BBS4: variants seen among roughly 807,000 people sequenced by gnomAD.
BBS4 encodes BBSome complex member BBS4.
BBS4 carries 58 observed loss-of-function variants against 71.4 expected under a neutral mutation model. The observed-to-expected ratio is 0.81, with a 90% CI of 0.66 to 1.01. The LOEUF (loss-of-function observed/expected upper bound fraction) is 1.01. Ranked by LOEUF, BBS4 falls within the 50% of genes least tolerant of loss-of-function variation. The probability of loss-of-function intolerance (pLI) is 0.00; values close to 1 mark genes in which losing one functional copy is unlikely to be tolerated. For synonymous variants in BBS4, 228 were observed against 216.8 expected, an observed-to-expected ratio of 1.05 and a Z score of -0.46; for missense variants, 660 against 607.9, an observed-to-expected ratio of 1.09 and a Z score of -0.90.
At chr15:72,692,900 T>C (rs1202915553) in intron 1 of BBS4, among the ~76,000 whole-genome samples, 1 of 152,162 alleles carries the variant, frequency 6.6e-6, no homozygotes, top group East Asian at 1.9e-4. Flanking sequence ...ACCTGGCTGA[T>C]CTATCTGTCT....
intron 2 of BBS4, among the ~76,000 whole-genome samples, chr15:72,700,947 A>G (rs994034273): frequency 6.6e-6 from 1 of 152,188 alleles, no homozygotes; most frequent in Non-Finnish European, 1.5e-5. Context: ...TGGCTCAATC[A>G]GTAATTTTTG....
intron 1 of BBS4, chr15:72,686,689 ATTAAGT>A: frequency 1.3e-6 from 1 of 760,658 alleles, no homozygotes; most frequent in South Asian, 1.5e-5. Flanking sequence ...TTCTGTGGTG[ATTAAGT>A]TTAGGAAAGT....
In BBS4 at chr15:72,711,168, A is replaced by G. The variant is rs529705065; in HGVS notation, c.157-1076A>G. On this transcript the variant is annotated intron_variant, in intron 3 of 15. Transcript: ENST00000268057. ...CAGTATGAATCTTTTTTTTTTTGAG[A>G]TGGAGTTTTGCTCTTGTCGCCAAGG... Among the ~76,000 whole-genome samples, 5 of 142,664 alleles carry G rather than the reference A, an allele frequency of 3.5e-5. No individual in the cohort carries two copies. In the East Asian group the frequency reaches 1.1e-3, roughly 30 times the overall value. 93.6% of individuals were successfully genotyped at this position (142,664 alleles called of 152,430 possible). A position where few individuals can be genotyped will look rare whatever the true frequency, so the allele number is the denominator to read the frequency against.
intron 2 of BBS4, among the ~76,000 whole-genome samples, chr15:72,702,802 C>CT (rs59816410): frequency 0.014 from 1,000 of 73,406 alleles, 98 homozygotes; most frequent in African/African-American, 0.041. Context: ...GGAGCTGACT[C>CT]TTTTTTTTTT....
At chr15:72,695,269 C>T (rs2065056231) in intron 2 of BBS4, 41 bp downstream of exon 2, 7 of 1,299,118 alleles carry the variant, frequency 5.4e-6, no homozygotes, top group Non-Finnish European at 7.6e-6. Context: ...TTTGCACAGA[C>T]AGATTTCTCT....
chr15:72,731,512 G>GT, intron 11 of BBS4, 43 bp from the exon 12 acceptor site: 1 of 1,614,196 alleles, frequency 6.2e-7, no homozygotes, highest in East Asian at 2.2e-5. Context: ...TATTGGGTCT[G>GT]TTTAGCTTGC....
chr15:72,697,957 A>G (rs2151000834), intron 2 of BBS4: 1 of 455,898 alleles, frequency 2.2e-6, no homozygotes, highest in East Asian at 6.9e-5. Flanking sequence ...AGGCTACTGA[A>G]GTCCTCTTCC....
At chr15:72,726,151 G>A (rs1015713109) in intron 8 of BBS4, among the ~76,000 whole-genome samples, 1 of 146,872 alleles carries the variant, frequency 6.8e-6, no homozygotes, top group East Asian at 2.0e-4. Context: ...TCGCTCTGTC[G>A]CCCAGGGGTG....
intron 6 of BBS4, 125 bp downstream of exon 6, chr15:72,716,975 T>C (rs2065478514): frequency 2.7e-6 from 2 of 746,090 alleles, no homozygotes; most frequent in Non-Finnish European, 4.6e-6. Context: ...TCATACTTAA[T>C]TCATGATTTG....
chr15:72,726,755 G>T (rs1466674541), intron 8 of BBS4, among the ~76,000 whole-genome samples: 1 of 152,200 alleles, frequency 6.6e-6, no homozygotes. Context: ...AACATGTTCA[G>T]TGCCTCTGTG....
At chr15:72,703,247 T>C (rs1289823410) in intron 2 of BBS4, among the ~76,000 whole-genome samples, 1 of 152,156 alleles carries the variant, frequency 6.6e-6, no homozygotes, top group African/African-American at 2.4e-5. Context: ...CTCCCCGACC[T>C]TCAGGCCTCA....
Position 72,709,761 on chromosome 15 carries a change from A to G in BBS4, c.138A>G (p.Lys46=). Residue 46 remains lysine, a synonymous_variant, in exon 3 of 16, where the codon AAA becomes AAG. Transcript: ENST00000268057. ...TGATTCATCTTCATTATATCCGGAA[A>G]GATTATGAAGCCTGCAAGGTAAGAG... ...NWLIHLHYIR[K]DYEACKAVIK... is the part of the protein sequence containing the mutation. The G allele has an allele frequency of 6.2e-7, 1 of 1,613,668 alleles. No homozygotes were observed. Among genetic ancestry groups the G allele is most frequent in the Non-Finnish European group, 8.5e-7 (1 of 1,179,776 alleles).
intron 6 of BBS4, among the ~76,000 whole-genome samples, chr15:72,721,228 T>C (rs986731603): frequency 3.9e-5 from 6 of 152,240 alleles, no homozygotes; most frequent in African/African-American, 1.4e-4. Context: ...ATTGAATATC[T>C]AATATCAAGC....
intron 7 of BBS4, among the ~76,000 whole-genome samples, chr15:72,723,943 G>C (rs936032621): frequency 1.3e-5 from 2 of 152,176 alleles, no homozygotes; most frequent in Non-Finnish European, 2.9e-5. Flanking sequence ...ACAATACCTG[G>C]CATTTATATA....
intron 1 of BBS4, among the ~76,000 whole-genome samples, chr15:72,691,958 CAAAAAA>C (rs33994964): frequency 9.8e-6 from 1 of 102,416 alleles, no homozygotes. Flanking sequence ...GACTTCGTCT[CAAAAAA>C]AAAAAAAAAA....
intron 1 of BBS4, among the ~76,000 whole-genome samples, chr15:72,688,680 G>T (rs2064924722): frequency 6.6e-6 from 1 of 152,128 alleles, no homozygotes; most frequent in African/African-American, 2.4e-5. Context: ...TGGGATTACA[G>T]GCGTGAGCCA....
Position 72,712,256 on chromosome 15 carries a change from G to T in BBS4, c.169G>T (p.Glu57Ter). ...CTCCCTCTTTCAGGCTGTTATCAAA[G>T]AACAGCTTCAAGAGACTCAGGGATT... ...DYEACKAVIK[E>*]QLQETQGLCE... Residue 57 changes from glutamate (E) to a stop codon, truncating the protein, a stop_gained, in exon 4 of 16, where the codon GAA becomes TAA. Coordinates refer to ENST00000268057, the MANE Select transcript of BBS4 (RefSeq NM_033028.5). LOFTEE classifies it high-confidence loss of function. 6.2e-7 allele frequency: 1 copy of T among 1,613,914 alleles called. No individual in the cohort carries two copies. The highest frequency in any genetic ancestry group is 8.5e-7 in the Non-Finnish European group (1 of 1,179,870).
At chr15:72,728,057 T>C (rs2065736950) in intron 9 of BBS4, 63 bp downstream of exon 9, 1 of 1,244,280 alleles carries the variant, frequency 8.0e-7, no homozygotes, top group Admixed American at 1.7e-5. Flanking sequence ...TTTGTGTGTA[T>C]GGTGGTTTTC....
Position 72,715,466 on chromosome 15 carries a change from G to C in BBS4, c.332+64G>C, listed in dbSNP as rs191098252. ...GAGAACAGTGTAAAATGCATTCCTA[G>C]GTCCAGCCTGCTGCTGGCAGCTGCA... On this transcript the variant is annotated intron_variant, in intron 5 of 15. Coordinates refer to ENST00000268057, the MANE Select transcript of BBS4 (RefSeq NM_033028.5). The C allele has an allele frequency of 1.0e-4, 117 of 1,142,748 alleles. No homozygotes were observed. The East Asian group carries it at 2.5e-3, about 25-fold the overall frequency. The allele number at this position is 1,142,748 out of a possible 1,614,324, so 70.8% of individuals were successfully genotyped here. A position where few individuals can be genotyped will look rare whatever the true frequency, so the allele number is the denominator to read the frequency against.
Sources: gnomAD v4.1 joint callset for allele counts (sites outside exome capture counted in the v4.1 genomes callset) on GRCh38, gnomAD v4.1.1 for gene constraint, MANE v1.5 for transcripts, NCBI Gene and HGNC (gene_info 2026-07-23, HGNC 2026-07-21) for gene names.